Variants in GRIP1 observed in about 807,000 individuals in gnomAD.
The protein encoded by GRIP1 is glutamate receptor interacting protein 1, also known as glutamate receptor-interacting protein 1.
A neutral mutation model predicts 129.9 loss-of-function variants in GRIP1; 45 were observed. The observed-to-expected ratio is 0.35, with a 90% CI of 0.27 to 0.44. The LOEUF (loss-of-function observed/expected upper bound fraction) is 0.44. Among genes scored for constraint, GRIP1 ranks in the 20% least tolerant of loss-of-function variants. The probability of loss-of-function intolerance (pLI) is 1.00; values close to 1 mark genes in which losing one functional copy is unlikely to be tolerated. For missense variants in GRIP1, 1,196 were observed against 1,396.8 expected (o/e 0.86, Z 2.29); for synonymous variants, 530 against 520.8 (o/e 1.02, Z -0.24).
At chr12:66,457,757 A>G (rs2059010234) in intron 9 of GRIP1, among the ~76,000 whole-genome samples, 1 of 152,160 alleles carries the variant, frequency 6.6e-6, no homozygotes, top group Non-Finnish European at 1.5e-5. Flanking sequence ...TGAAAAAAAA[A>G]GCACTAGCAC....
intron 1 of GRIP1, among the ~76,000 whole-genome samples, chr12:66,845,318 G>A (rs1035351026): frequency 5.3e-5 from 8 of 152,010 alleles, no homozygotes; most frequent in South Asian, 2.1e-4. Context: ...TTAGCCAGGC[G>A]TGGTGGCACA....
chr12:66,496,929 G>A (rs1237654248), intron 7 of GRIP1, among the ~76,000 whole-genome samples: 2 of 152,078 alleles, frequency 1.3e-5, no homozygotes, highest in African/African-American at 2.4e-5. Flanking sequence ...AGGAAGGAAA[G>A]AGAGGATGAA....
intron 4 of GRIP1, among the ~76,000 whole-genome samples, chr12:66,536,802 G>A (rs1463526693): frequency 2.0e-5 from 3 of 152,158 alleles, no homozygotes; most frequent in Non-Finnish European, 4.4e-5. Flanking sequence ...CTAGTACATA[G>A]TGGTGGCTGG....
intron 1 of GRIP1, among the ~76,000 whole-genome samples, chr12:66,819,543 C>T (rs568622064): frequency 3.0e-4 from 46 of 152,236 alleles, no homozygotes; most frequent in African/African-American, 1.1e-3. Flanking sequence ...GCAAAACATA[C>T]AGCAAAATTT....
chr12:66,569,624 T>A, intron 2 of GRIP1, among the ~76,000 whole-genome samples: 1 of 152,154 alleles, frequency 6.6e-6, no homozygotes, highest in Admixed American at 6.5e-5. Flanking sequence ...CCAGGGACCA[T>A]GGGACTCAGG....
chr12:66,448,037 T>C (rs2058679605), intron 11 of GRIP1, among the ~76,000 whole-genome samples: 1 of 152,178 alleles, frequency 6.6e-6, no homozygotes, highest in Non-Finnish European at 1.5e-5. Flanking sequence ...AAGTCTTTTC[T>C]ACTCTCATTC....
intron 1 of GRIP1, among the ~76,000 whole-genome samples, chr12:66,796,662 T>C (rs1209727994): frequency 6.6e-6 from 1 of 152,160 alleles, no homozygotes; most frequent in Non-Finnish European, 1.5e-5. Context: ...GGACCTCCTC[T>C]GTCTTCTGTA....
Position 66,872,006 on chromosome 12 carries a change from C to G in GRIP1, c.58+197044G>C, listed in dbSNP as rs1024330950. Among the ~76,000 whole-genome samples the G allele has an allele frequency of 2.6e-5, 4 of 152,082 alleles. No homozygotes were observed. In the East Asian group the frequency reaches 7.7e-4, roughly 29 times the overall value. ...TTAATACAACCCAGCTCATACATAACTGTCAAGTTTTCAAGGTACCCAGCA... is the reference window on the plus strand; with the variant it reads ...TTAATACAACCCAGCTCATACATAAGTGTCAAGTTTTCAAGGTACCCAGCA... On this transcript the variant is annotated intron_variant, in intron 1 of 1. Transcript: ENST00000643019.
chr12:66,994,274 C>A (rs956029434), intron 1 of GRIP1, among the ~76,000 whole-genome samples: 5 of 150,946 alleles, frequency 3.3e-5, no homozygotes, highest in African/African-American at 7.3e-5. Context: ...ACTCTAAGAC[C>A]ACGTAAAAAT....
chr12:66,423,221 C>G (rs2057869988), intron 14 of GRIP1, among the ~76,000 whole-genome samples: 1 of 152,218 alleles, frequency 6.6e-6, no homozygotes, highest in African/African-American at 2.4e-5. Flanking sequence ...ACAAAGTACT[C>G]AGGTGCCTTA....
At chr12:66,593,251 C>CT (rs1216513189) in intron 2 of GRIP1, among the ~76,000 whole-genome samples, 1 of 152,026 alleles carries the variant, frequency 6.6e-6, no homozygotes, top group Non-Finnish European at 1.5e-5. Context: ...AATCCATTTC[C>CT]TTTTTCAGGA....
chr12:66,416,758 C>A (rs1437349731), intron 15 of GRIP1, among the ~76,000 whole-genome samples: 1 of 151,952 alleles, frequency 6.6e-6, no homozygotes, highest in Non-Finnish European at 1.5e-5. Context: ...TGATTGAAGT[C>A]ATAATAAAAA....
intron 7 of GRIP1, among the ~76,000 whole-genome samples, chr12:66,477,998 C>T (rs1481951434): frequency 6.6e-6 from 1 of 152,166 alleles, no homozygotes; most frequent in East Asian, 1.9e-4. Flanking sequence ...ACACCAAAAG[C>T]AATGGCAACA....
intron 1 of GRIP1, among the ~76,000 whole-genome samples, chr12:66,966,653 G>C (rs2042002385): frequency 1.3e-5 from 2 of 152,134 alleles, no homozygotes; most frequent in Admixed American, 1.3e-4. Context: ...TAACAGATTT[G>C]AGGAGTATTT....
At chr12:66,420,351 C>A (rs2057760544) in intron 15 of GRIP1, among the ~76,000 whole-genome samples, 1 of 149,874 alleles carries the variant, frequency 6.7e-6, no homozygotes, top group South Asian at 2.1e-4. Context: ...CTGGTAACAG[C>A]AAAATTCTTG....
At chr12:66,468,316 T>C (rs932194997) in intron 7 of GRIP1, among the ~76,000 whole-genome samples, 6 of 152,212 alleles carry the variant, frequency 3.9e-5, no homozygotes, top group Non-Finnish European at 8.8e-5. Context: ...ATGAGATAGA[T>C]GAAGCCTAGG....
intron 1 of GRIP1, among the ~76,000 whole-genome samples, chr12:66,701,241 C>T (rs2035341488): frequency 6.6e-6 from 1 of 152,160 alleles, no homozygotes; most frequent in Non-Finnish European, 1.5e-5. Flanking sequence ...CACCTTACCC[C>T]TTCCTCCTCT....
At chr12:66,877,906 T>C (rs1176834241) in intron 1 of GRIP1, among the ~76,000 whole-genome samples, 1 of 151,992 alleles carries the variant, frequency 6.6e-6, no homozygotes, top group Non-Finnish European at 1.5e-5. Context: ...TTAAAATAAT[T>C]TGATCATTCT....
chr12:66,696,351 A>G (rs551431848), intron 1 of GRIP1, among the ~76,000 whole-genome samples: 3 of 152,296 alleles, frequency 2.0e-5, no homozygotes, highest in Non-Finnish European at 2.9e-5. Context: ...AAAGAAAAAT[A>G]CCAATCTAAA....
Sources: gnomAD v4.1 joint callset for allele counts (sites outside exome capture counted in the v4.1 genomes callset) on GRCh38, gnomAD v4.1.1 for gene constraint, MANE v1.5 for transcripts, NCBI Gene and HGNC (gene_info 2026-07-23, HGNC 2026-07-21) for gene names.